Variants in HMCN1 observed in about 807,000 individuals in gnomAD.
HMCN1 encodes hemicentin 1.
Under a neutral mutation model 625.9 loss-of-function variants are expected in HMCN1, and 321 were observed. The ratio of observed to expected loss-of-function variants is 0.51; its 90% confidence interval spans 0.47 to 0.56. The LOEUF (loss-of-function observed/expected upper bound fraction) is 0.56. HMCN1 is among the 20% of genes least tolerant of loss of function. The probability of loss-of-function intolerance (pLI) is 0.00; values close to 1 mark genes in which losing one functional copy is unlikely to be tolerated. For missense variants in HMCN1, 6,588 were observed against 6,887.3 expected, an observed-to-expected ratio of 0.96 and a Z score of 1.54; for synonymous variants, 2,425 against 2,417.6, an observed-to-expected ratio of 1.00 and a Z score of -0.09.
chr1:185,827,543 T>A (rs1161555381), intron 1 of HMCN1, among the ~76,000 whole-genome samples: 1 of 151,736 alleles, frequency 6.6e-6, no homozygotes, highest in Non-Finnish European at 1.5e-5. Flanking sequence ...TGAGAGAGGA[T>A]GAATATGAGG....
rs58716325 is a variant in HMCN1 at position 185,865,632 on chromosome 1, T to C, written c.499-109T>C. 664 of 493,830 alleles carry C rather than the reference T, an allele frequency of 1.3e-3. 6 individuals are homozygous for C. The highest frequency in any genetic ancestry group is 2.2e-3 in the African/African-American group (89 of 39,864). The allele number at this position is 493,830 out of a possible 1,614,324, so 30.6% of individuals were successfully genotyped here. ...ACACACACACACACACACACACACA[T>C]TCACATATTCTACTTGCCCAGTAAT... On this transcript the variant is annotated intron_variant, in intron 3 of 106. Transcript: ENST00000271588.
At chr1:185,788,396 C>T (rs186138321) in intron 1 of HMCN1, among the ~76,000 whole-genome samples, 21 of 152,122 alleles carry the variant, frequency 1.4e-4, no homozygotes, top group African/African-American at 4.8e-4. Flanking sequence ...ATTATAGTTT[C>T]TTTTTATTTT....
In HMCN1 at chr1:186,190,639, C is replaced by T. The variant is rs937479801; in HGVS notation, c.*761C>T. ...CATCCAGTTAGCTTCATAACTTTTA[C>T]GTTCCAGAATTTTGTTTATTTTCCT... On this transcript the variant is annotated 3_prime_UTR_variant, in exon 107 of 107. Coordinates refer to ENST00000271588, the MANE Select transcript of HMCN1 (RefSeq NM_031935.3). The T allele has an allele frequency of 9.9e-5, 19 of 191,578 alleles. No homozygotes were observed. The highest frequency in any genetic ancestry group is 1.9e-3 in the Middle Eastern group (1 of 540). 11.9% of individuals were successfully genotyped at this position (191,578 alleles called of 1,614,324 possible).
intron 1 of HMCN1, among the ~76,000 whole-genome samples, chr1:185,755,856 C>T (rs904536167): frequency 1.3e-5 from 2 of 152,126 alleles, no homozygotes. Context: ...GTTCTTTTCC[C>T]AGTGTTACGG....
intron 71 of HMCN1, 74 bp downstream of exon 71, chr1:186,108,671 G>T (rs1009758401): frequency 5.8e-6 from 9 of 1,555,796 alleles, no homozygotes; most frequent in Middle Eastern, 1.7e-4. Context: ...TAGGGCCTTT[G>T]CTGGGTACAC....
intron 4 of HMCN1, among the ~76,000 whole-genome samples, chr1:185,879,702 C>T (rs1664174287): frequency 6.6e-6 from 1 of 152,092 alleles, no homozygotes; most frequent in African/African-American, 2.4e-5. Flanking sequence ...GGAGGATTTG[C>T]AGATTGTTGT....
intron 1 of HMCN1, among the ~76,000 whole-genome samples, chr1:185,779,650 T>C (rs1656907643): frequency 6.6e-6 from 1 of 152,226 alleles, no homozygotes; most frequent in South Asian, 2.1e-4. Flanking sequence ...AAAGATCAGA[T>C]GGCTATAGAT....
intron 1 of HMCN1, among the ~76,000 whole-genome samples, chr1:185,774,037 C>T (rs939319305): frequency 2.0e-5 from 3 of 152,172 alleles, no homozygotes; most frequent in East Asian, 1.9e-4. Context: ...GTGATACAGA[C>T]AACTTGCTGT....
intron 10 of HMCN1, among the ~76,000 whole-genome samples, chr1:185,929,898 C>T (rs1392589421): frequency 6.6e-6 from 1 of 152,176 alleles, no homozygotes; most frequent in Non-Finnish European, 1.5e-5. Flanking sequence ...GCATTGGAGT[C>T]ATGTCAACAT....
intron 9 of HMCN1, among the ~76,000 whole-genome samples, chr1:185,926,933 C>G (rs1339192002): frequency 6.6e-6 from 1 of 152,134 alleles, no homozygotes; most frequent in Non-Finnish European, 1.5e-5. Context: ...TGCTTAATGT[C>G]AACTGAGAAG....
chr1:186,076,358 G>T, intron 53 of HMCN1, 70 bp from the exon 54 acceptor site: 1 of 1,407,412 alleles, frequency 7.1e-7, no homozygotes, highest in Admixed American at 1.8e-5. Flanking sequence ...AATCACTCTG[G>T]TGAAAACACA....
At chr1:185,757,656 ATTG>A (rs1655219352) in intron 1 of HMCN1, among the ~76,000 whole-genome samples, 1 of 152,006 alleles carries the variant, frequency 6.6e-6, no homozygotes, top group South Asian at 2.1e-4. Context: ...ATGCTTATTT[ATTG>A]TTTTCTTCCC....
Position 185,911,751 on chromosome 1 carries a change from G to A in HMCN1, c.871G>A (p.Glu291Lys), listed in dbSNP as rs770434986. ...CTCTGCCAAAGTAGTGAATGTGAAA[G>A]AGCCAGAGGCTGGAATGTGGACAGT... The part of the protein sequence containing the change: ...HNSAKVVNVK[E>K]PEAGMWTVKT... The change falls in exon 6 of 107, where the codon GAG becomes AAG. Residue 291 changes from glutamate to lysine, a missense_variant. By Grantham distance (56) the Glu-to-Lys change is moderately conservative. This residue lies in a region of HMCN1 where 4,628 missense variants were observed against 4,853.1 expected (regional missense o/e 0.95). Transcript: ENST00000271588. 6.2e-7 allele frequency: 1 copy of A among 1,613,112 alleles called. No homozygotes were observed.
At chr1:186,114,530 A>C (rs1181508162) in intron 73 of HMCN1, among the ~76,000 whole-genome samples, 1 of 152,166 alleles carries the variant, frequency 6.6e-6, no homozygotes. Context: ...CAGTGCTGGG[A>C]TTACAGCCTT....
At chr1:186,081,971 C>G (rs1019260323) in intron 56 of HMCN1, among the ~76,000 whole-genome samples, 1 of 152,068 alleles carries the variant, frequency 6.6e-6, no homozygotes, top group Non-Finnish European at 1.5e-5. Context: ...CTCAAGAATC[C>G]AAGCATAACC....
At chr1:185,970,192 A>G in intron 14 of HMCN1, 143 bp from the exon 15 acceptor site, 1 of 776,606 alleles carries the variant, frequency 1.3e-6, no homozygotes, top group Non-Finnish European at 2.3e-6. Context: ...TTTAGACTGT[A>G]GAAAGTGTCT....
intron 41 of HMCN1, 53 bp downstream of exon 41, chr1:186,045,916 T>G: frequency 7.6e-7 from 1 of 1,319,302 alleles, no homozygotes; most frequent in Non-Finnish European, 1.1e-6. Flanking sequence ...GTTCATGGTT[T>G]TGGTATTACC....
chr1:185,904,767 T>C lies in HMCN1; in HGVS notation c.622-4570T>C, dbSNP rs542423099. ...TGCAAATGGCAGTTGTGAAGATCAATATAAGACTTTAAGAAGTATCCATCA... is the reference window on the plus strand; with the variant it reads ...TGCAAATGGCAGTTGTGAAGATCAACATAAGACTTTAAGAAGTATCCATCA... On this transcript the variant is annotated intron_variant, in intron 4 of 106. Transcript: ENST00000271588. Among the ~76,000 whole-genome samples the C allele has an allele frequency of 9.9e-5, 15 of 151,960 alleles. No individual in the cohort carries two copies. In the East Asian group the frequency reaches 2.9e-3, roughly 29 times the overall value.
chr1:186,062,440 C>G (rs1657764799), intron 47 of HMCN1, 74 bp from the exon 48 acceptor site: 1 of 873,040 alleles, frequency 1.1e-6, no homozygotes, highest in South Asian at 1.4e-5. Flanking sequence ...CTTAATAAAA[C>G]CATACATAAA....
Sources: gnomAD v4.1 joint callset for allele counts (sites outside exome capture counted in the v4.1 genomes callset) on GRCh38, gnomAD v4.1.1 for gene constraint, gnomAD v4.1.1 regional missense constraint, MANE v1.5 for transcripts, NCBI Gene and HGNC (gene_info 2026-07-23, HGNC 2026-07-21) for gene names.